The following COL23A1 variants were observed in gnomAD, a reference collection of about 807,000 sequenced individuals.
COL23A1 encodes the protein collagen type XXIII alpha 1 chain, also known as collagen alpha-1(XXIII) chain.
Under a neutral mutation model 99.3 loss-of-function variants are expected in COL23A1, and 97 were observed. That is an observed-to-expected ratio of 0.98 (90% CI 0.83 to 1.16). COL23A1 has a LOEUF of 1.16. Ranked by LOEUF, COL23A1 falls within the 50% of genes most tolerant of loss-of-function variation. The pLI is 0.00. For missense variants in COL23A1, 762 were observed against 757.4 expected (o/e 1.01, Z -0.07); for synonymous variants, 320 against 308.2 (o/e 1.04, Z -0.40).
At chr5:178,403,064 G>A (rs1014526490) in intron 2 of COL23A1, among the ~76,000 whole-genome samples, 3 of 142,906 alleles carry the variant, frequency 2.1e-5, no homozygotes, top group East Asian at 2.2e-4. Flanking sequence ...AGCTGAGGTC[G>A]TGCCACGGCA....
intron 2 of COL23A1, among the ~76,000 whole-genome samples, chr5:178,494,854 G>A (rs1222640427): frequency 6.6e-6 from 1 of 152,186 alleles, no homozygotes; most frequent in Non-Finnish European, 1.5e-5. Flanking sequence ...CTGACATCGA[G>A]GTGGGCCACA....
rs1399457044 is a variant in COL23A1 at position 178,384,856 on chromosome 5, C to T, written c.362-77937G>A. On this transcript the variant is annotated intron_variant, in intron 2 of 28. Transcript: ENST00000390654. This position sits in a 1 kb window ranked among gnomAD's most constrained non-coding sequence, Gnocchi z 5.5. ...TCCTAAAGCATTAAAAGGTCCGTAACAGAAAAGCGGGAAATAGCCTGCAAG... is the reference window on the plus strand; with the variant it reads ...TCCTAAAGCATTAAAAGGTCCGTAATAGAAAAGCGGGAAATAGCCTGCAAG... Among the ~76,000 whole-genome samples the T allele has an allele frequency of 2.6e-5, 4 of 152,326 alleles. No homozygotes were observed. The highest frequency in any genetic ancestry group is 9.6e-5 in the African/African-American group (4 of 41,576).
intron 2 of COL23A1, among the ~76,000 whole-genome samples, chr5:178,550,600 G>A (rs1441125860): frequency 6.6e-6 from 1 of 152,158 alleles, no homozygotes; most frequent in African/African-American, 2.4e-5. Flanking sequence ...AGCCAGCCAT[G>A]GTTGTATTTT....
At chr5:178,537,464 G>C (rs941253551) in intron 2 of COL23A1, among the ~76,000 whole-genome samples, 1 of 152,248 alleles carries the variant, frequency 6.6e-6, no homozygotes, top group African/African-American at 2.4e-5. Flanking sequence ...TAGTACCGAG[G>C]AGAGGAGAAC....
At chr5:178,364,159 C>G (rs1762327592) in intron 2 of COL23A1, among the ~76,000 whole-genome samples, 2 of 152,292 alleles carry the variant, frequency 1.3e-5, no homozygotes, top group South Asian at 4.2e-4. Context: ...CTTTTCTGCA[C>G]ATTTCCGCCT....
At chr5:178,585,355 T>A (rs1763880638) in intron 1 of COL23A1, among the ~76,000 whole-genome samples, 1 of 149,148 alleles carries the variant, frequency 6.7e-6, no homozygotes, top group Admixed American at 6.7e-5. Flanking sequence ...CAGGTAACAC[T>A]CTATGGCCCC....
chr5:178,379,868 C>T (rs372939936), intron 2 of COL23A1, among the ~76,000 whole-genome samples: 2 of 142,510 alleles, frequency 1.4e-5, no homozygotes, highest in East Asian at 4.0e-4. Context: ...GCAACAAGAG[C>T]GAAACTCCAT....
chr5:178,577,424 C>T (rs1417541896), intron 1 of COL23A1, among the ~76,000 whole-genome samples: 5 of 152,238 alleles, frequency 3.3e-5, no homozygotes, highest in African/African-American at 9.6e-5. Context: ...AGGACTTCGC[C>T]ACGGGAAGGA....
Position 178,544,730 on chromosome 5 carries a change from C to T in COL23A1, c.361+15952G>A, listed in dbSNP as rs1481507810. Among the ~76,000 whole-genome samples the T allele has an allele frequency of 6.6e-6, 1 of 152,146 alleles. No individual in the cohort carries two copies. The highest frequency in any genetic ancestry group is 2.4e-5 in the African/African-American group (1 of 41,438). On this transcript the variant is annotated intron_variant, in intron 2 of 28. Coordinates refer to ENST00000390654, the MANE Select transcript of COL23A1 (RefSeq NM_173465.4). The surrounding 1 kb of genome is among the most constrained non-coding windows in gnomAD (Gnocchi z 4.4). ...GCAAAGCTCAGAGGCACTGTGGGCT[C>T]AGCCTCCAGGTCACCTGCTGCCCCC...
intron 2 of COL23A1, among the ~76,000 whole-genome samples, chr5:178,529,817 C>T (rs1315219907): frequency 2.6e-5 from 4 of 152,080 alleles, no homozygotes; most frequent in Admixed American, 1.3e-4. Flanking sequence ...GCCAGGCACA[C>T]AAGAAAGGGC....
At position 178,310,861 on chromosome 5, in the gene COL23A1, C is replaced by A. The variant is rs1424966916; in HGVS notation, c.362-3942G>T. ...TTGTTTCTTGTTTTTCTTCTTTCTACAAGCAGAAGAACCTTTCCTGCTGCT... is the reference window on the plus strand; with the variant it reads ...TTGTTTCTTGTTTTTCTTCTTTCTAAAAGCAGAAGAACCTTTCCTGCTGCT... On this transcript the variant is annotated intron_variant, in intron 2 of 28. Coordinates refer to ENST00000390654, the MANE Select transcript of COL23A1 (RefSeq NM_173465.4). This position sits in a 1 kb window ranked among gnomAD's most constrained non-coding sequence, Gnocchi z 4.3. Among the ~76,000 whole-genome samples, 1 of 152,048 alleles carries A rather than the reference C, an allele frequency of 6.6e-6. No homozygotes were observed. The highest frequency in any genetic ancestry group is 1.5e-5 in the Non-Finnish European group (1 of 68,022).
At chr5:178,243,585 A>C (rs1425617784) in intron 25 of COL23A1, among the ~76,000 whole-genome samples, 1 of 151,946 alleles carries the variant, frequency 6.6e-6, no homozygotes, top group African/African-American at 2.4e-5. Context: ...AGTGCTGATG[A>C]CAGTCAATGC....
At chr5:178,562,688 C>A (rs262038) in intron 1 of COL23A1, 60,568 of 148,960 alleles carry the variant, frequency 0.41, 12,944 homozygotes, top group African/African-American at 0.51. Context: ...AAGAACAAAG[C>A]TCCCACAAGG....
intron 2 of COL23A1, among the ~76,000 whole-genome samples, chr5:178,367,578 G>C (rs575778274): frequency 6.6e-6 from 1 of 152,144 alleles, no homozygotes; most frequent in African/African-American, 2.4e-5. Context: ...CCCACTGTAC[G>C]AGCCGGGAGC....
intron 2 of COL23A1, among the ~76,000 whole-genome samples, chr5:178,416,972 C>G (rs1765345838): frequency 6.6e-6 from 1 of 152,192 alleles, no homozygotes; most frequent in South Asian, 2.1e-4. Context: ...CAGCCCTCCC[C>G]AGGTATAATT....
Position 178,358,144 on chromosome 5 carries a change from GTA to G in COL23A1, c.362-51227_362-51226del, listed in dbSNP as rs551229665. The stretch of plus-strand genomic sequence containing the variant: ...GTACGTGTGTACGTCTAATGTGTGT[GTA>G]TGTGTATGTGTGTATGTCTAATGTG... On this transcript the variant is annotated intron_variant, in intron 2 of 28. Transcript: ENST00000390654. Among the ~76,000 whole-genome samples the G allele has an allele frequency of 3.6e-3, 543 of 149,328 alleles. 6 individuals carry two copies. Among genetic ancestry groups the G allele is most frequent in the Non-Finnish European group, 5.5e-3 (368 of 67,504 alleles).
intron 2 of COL23A1, among the ~76,000 whole-genome samples, chr5:178,437,385 G>A (rs995116432): frequency 6.6e-6 from 1 of 152,188 alleles, no homozygotes; most frequent in Non-Finnish European, 1.5e-5. Flanking sequence ...AGGAGAGGTT[G>A]CAGGAGCAGA....
intron 12 of COL23A1, among the ~76,000 whole-genome samples, chr5:178,257,951 G>C (rs1458291269): frequency 6.6e-6 from 1 of 152,230 alleles, no homozygotes. Context: ...CTTAATCCCA[G>C]CACTCTGGTA....
At chr5:178,314,882 A>G (rs568330364) in intron 2 of COL23A1, among the ~76,000 whole-genome samples, 16 of 152,142 alleles carry the variant, frequency 1.1e-4, no homozygotes, top group Non-Finnish European at 2.1e-4. Context: ...GTCCTTAAAC[A>G]CTGCCTGGCT....
Sources: gnomAD v4.1 joint callset for allele counts (sites outside exome capture counted in the v4.1 genomes callset) on GRCh38, gnomAD v4.1.1 for gene constraint, Gnocchi (gnomAD v3.1) non-coding constraint, MANE v1.5 for transcripts, NCBI Gene and HGNC (gene_info 2026-07-23, HGNC 2026-07-21) for gene names.